The following SLC9A9 variants were observed in gnomAD, a reference collection of about 807,000 sequenced individuals.
SLC9A9 encodes the protein solute carrier family 9 member A9.
SLC9A9 carries 62 observed loss-of-function variants against 77.8 expected under a neutral mutation model. The ratio of observed to expected loss-of-function variants is 0.80; its 90% CI spans 0.65 to 0.98. The LOEUF is 0.98. Among genes scored for constraint, SLC9A9 ranks in the 50% least tolerant of loss-of-function variants. The pLI is 0.00. For synonymous variants in SLC9A9, 320 were observed against 283.5 expected, an observed-to-expected ratio of 1.13 and a Z score of -1.29; for missense variants, 775 against 774.9, an observed-to-expected ratio of 1.00 and a Z score of 0.00.
chr3:143,513,560 T>C (rs1290618307), intron 9 of SLC9A9, among the ~76,000 whole-genome samples: 1 of 152,210 alleles, frequency 6.6e-6, no homozygotes, highest in Non-Finnish European at 1.5e-5. Flanking sequence ...CTTTCATAAA[T>C]CACAAATGTT....
intron 6 of SLC9A9, among the ~76,000 whole-genome samples, chr3:143,615,148 A>G (rs766241011): frequency 7.2e-5 from 11 of 152,210 alleles, no homozygotes; most frequent in Non-Finnish European, 1.6e-4. Context: ...TAGCAGACCC[A>G]GAGGCCTGTG....
intron 6 of SLC9A9, among the ~76,000 whole-genome samples, chr3:143,596,261 TA>T (rs935330962): frequency 6.6e-6 from 1 of 152,180 alleles, no homozygotes; most frequent in Non-Finnish European, 1.5e-5. Context: ...ATAAAGCAGA[TA>T]ATATAAATCC....
At chr3:143,756,138 C>G (rs955276484) in intron 4 of SLC9A9, among the ~76,000 whole-genome samples, 6 of 152,140 alleles carry the variant, frequency 3.9e-5, no homozygotes, top group African/African-American at 1.4e-4. Flanking sequence ...CACACGATGT[C>G]AAACAAATCA....
chr3:143,585,730 T>C (rs1330826897), intron 6 of SLC9A9, among the ~76,000 whole-genome samples: 2 of 152,028 alleles, frequency 1.3e-5, no homozygotes, highest in South Asian at 2.1e-4. Flanking sequence ...CTGGGCTGGG[T>C]GGGCTTACCC....
chr3:143,432,688 C>T (rs926842058), intron 12 of SLC9A9, among the ~76,000 whole-genome samples: 2 of 152,146 alleles, frequency 1.3e-5, no homozygotes, highest in African/African-American at 4.8e-5. Context: ...AGTGCAGTGG[C>T]GTGATCTTGG....
intron 5 of SLC9A9, among the ~76,000 whole-genome samples, chr3:143,658,988 C>T (rs1297564282): frequency 6.6e-6 from 1 of 152,140 alleles, no homozygotes; most frequent in Admixed American, 6.5e-5. Flanking sequence ...TAGCAAAGAA[C>T]ATAAACATTT....
At chr3:143,359,966 C>G (rs1333688427) in intron 14 of SLC9A9, among the ~76,000 whole-genome samples, 1 of 152,176 alleles carries the variant, frequency 6.6e-6, no homozygotes, top group South Asian at 2.1e-4. Flanking sequence ...GAGCTCTGGA[C>G]TGTATCATGT....
At chr3:143,847,015 C>T (rs1216947351) in intron 1 of SLC9A9, among the ~76,000 whole-genome samples, 1 of 152,124 alleles carries the variant, frequency 6.6e-6, no homozygotes, top group Non-Finnish European at 1.5e-5. Flanking sequence ...AAACTTCCGC[C>T]TTATAGCTCA....
intron 9 of SLC9A9, among the ~76,000 whole-genome samples, chr3:143,512,834 C>G (rs767606628): frequency 2.0e-5 from 3 of 152,158 alleles, no homozygotes; most frequent in Admixed American, 1.3e-4. Flanking sequence ...AAGACTGTGC[C>G]ACTGTACTCC....
At chr3:143,726,875 C>T (rs1373986198) in intron 4 of SLC9A9, among the ~76,000 whole-genome samples, 2 of 152,124 alleles carry the variant, frequency 1.3e-5, no homozygotes, top group Admixed American at 1.3e-4. Context: ...TCCATCATTG[C>T]AAAAGCAGCA....
At chr3:143,277,305 C>A (rs921898065) in intron 14 of SLC9A9, among the ~76,000 whole-genome samples, 1 of 151,958 alleles carries the variant, frequency 6.6e-6, no homozygotes, top group Admixed American at 6.6e-5. Flanking sequence ...TGTAGTCTCC[C>A]GACCAGCTGC....
chr3:143,751,652 G>A (rs1346688006), intron 4 of SLC9A9, among the ~76,000 whole-genome samples: 1 of 152,104 alleles, frequency 6.6e-6, no homozygotes, highest in Non-Finnish European at 1.5e-5. Context: ...GATCCCAAAA[G>A]CACTCCCTAA....
chr3:143,817,269 C>A (rs934297004), intron 2 of SLC9A9, among the ~76,000 whole-genome samples: 6 of 150,872 alleles, frequency 4.0e-5, no homozygotes, highest in Non-Finnish European at 5.9e-5. Context: ...CTGCCTCAGC[C>A]TCCCGAGTAG....
At chr3:143,445,089 G>A (rs2034818449) in intron 12 of SLC9A9, among the ~76,000 whole-genome samples, 1 of 152,022 alleles carries the variant, frequency 6.6e-6, no homozygotes, top group Non-Finnish European at 1.5e-5. Context: ...CTCCACAGAG[G>A]CTCTCTCCAT....
At chr3:143,457,311 T>C (rs748046808) in intron 12 of SLC9A9, among the ~76,000 whole-genome samples, 2 of 152,178 alleles carry the variant, frequency 1.3e-5, no homozygotes, top group Non-Finnish European at 2.9e-5. Context: ...AGCCACCTGG[T>C]CTGGCCCCTC....
At chr3:143,736,276 CTATT>C (rs907689250) in intron 4 of SLC9A9, among the ~76,000 whole-genome samples, 83 of 152,254 alleles carry the variant, frequency 5.5e-4, no homozygotes, top group African/African-American at 1.8e-3. Flanking sequence ...TTCCTTCTAT[CTATT>C]TGTTTATTTG....
intron 9 of SLC9A9, among the ~76,000 whole-genome samples, chr3:143,538,110 G>A (rs138523139): frequency 6.6e-6 from 1 of 152,304 alleles, no homozygotes; most frequent in East Asian, 1.9e-4. Flanking sequence ...CTTAAAGAGT[G>A]ATGTTGCCTT....
At chr3:143,784,655 A>C (rs183328571) in intron 4 of SLC9A9, among the ~76,000 whole-genome samples, 41 of 151,864 alleles carry the variant, frequency 2.7e-4, no homozygotes, top group African/African-American at 8.2e-4. Context: ...CACCAAACCC[A>C]GTCCTGAGTC....
At chr3:143,609,245 G>A (rs976364926) in intron 6 of SLC9A9, among the ~76,000 whole-genome samples, 1 of 152,168 alleles carries the variant, frequency 6.6e-6, no homozygotes, top group Non-Finnish European at 1.5e-5. Context: ...AAAAACATTA[G>A]ATGACTGCAT....
Sources: allele counts gnomAD v4.1 joint callset (sites outside exome capture counted in the v4.1 genomes callset), GRCh38; gene constraint gnomAD v4.1.1; transcripts MANE v1.5; gene names NCBI Gene and HGNC (gene_info 2026-07-23, HGNC 2026-07-21).